The following CCDC159 variants were observed in gnomAD, a reference collection of about 807,000 sequenced individuals.
The protein encoded by CCDC159 is coiled-coil domain-containing protein 159.
Under a neutral mutation model 50.9 loss-of-function variants are expected in CCDC159, and 40 were observed. That is an observed-to-expected ratio of 0.79 (90% CI 0.61 to 1.02). CCDC159 has a LOEUF of 1.02. Ranked by LOEUF, CCDC159 falls within the 50% of genes least tolerant of loss-of-function variation. The probability of loss-of-function intolerance (pLI) is 0.00; values close to 1 mark genes in which losing one functional copy is unlikely to be tolerated. For synonymous variants in CCDC159, 146 were observed against 138.9 expected (o/e 1.05, Z -0.36); for missense variants, 356 against 371.5 (o/e 0.96, Z 0.34).
At chr19:11,348,772 CCCCGGGA>C (rs1398675910) in intron 1 of CCDC159, 1 of 521,844 alleles carries the variant, frequency 1.9e-6, no homozygotes, top group Admixed American at 2.0e-5. Flanking sequence ...GGCCGGCCTA[CCCCGGGA>C]CCCTGACTAC....
In CCDC159 at chr19:11,353,810, G is replaced by T; in HGVS notation, c.708G>T (p.Leu236=). 1 of 1,598,456 alleles carries T rather than the reference G, an allele frequency of 6.3e-7. No individual in the cohort carries two copies. Among genetic ancestry groups the T allele is most frequent in the Non-Finnish European group, 8.5e-7 (1 of 1,172,604 alleles). The change falls in exon 9 of 11, where the codon CTG becomes CTT. Residue 236 remains leucine, a synonymous_variant. Coordinates refer to ENST00000458408, the MANE Select transcript of CCDC159 (RefSeq NM_001080503.3). ...LSDIWSAVHV[L]QNSIDSLTLC... is the part of the protein sequence containing the mutation. ...CTTGCAGGTCTGCTGTGCACGTGCT[G>T]CAGAACTCCATAGACAGCCTCACTT...
At chr19:11,349,416 C>T (rs1030926187) in intron 1 of CCDC159, 7 of 581,098 alleles carry the variant, frequency 1.2e-5, no homozygotes, top group South Asian at 5.9e-5. Context: ...GGTTGTGTGT[C>T]TTCCATGGGG....
At chr19:11,351,458 A>G (rs1485331228) in intron 5 of CCDC159, 1 of 178,222 alleles carries the variant, frequency 5.6e-6, no homozygotes, top group African/African-American at 2.4e-5. Flanking sequence ...GTCTAAAAAA[A>G]AAAAAATGAG....
intron 7 of CCDC159, chr19:11,352,587 CAA>C (rs1445551085): frequency 6.6e-6 from 1 of 151,488 alleles, no homozygotes; most frequent in African/African-American, 2.5e-5. Flanking sequence ...CCCTGGGCGA[CAA>C]GAGCAAAACT....
chr19:11,346,794 A>G (rs1211107171), intron 1 of CCDC159, among the ~76,000 whole-genome samples, 167 bp downstream of exon 1: 2 of 152,112 alleles, frequency 1.3e-5, no homozygotes, highest in African/African-American at 2.4e-5. Context: ...TGGGGACCTA[A>G]GCTGGTTCTC....
At chr19:11,351,844 A>T in intron 5 of CCDC159, 62 bp from the exon 6 acceptor site, 1 of 1,457,168 alleles carries the variant, frequency 6.9e-7, no homozygotes, top group Non-Finnish European at 9.4e-7. Context: ...AGGCACAGAT[A>T]GGGGCATGGG....
chr19:11,354,631 A>C lies in CCDC159; in HGVS notation c.824A>C (p.Asp275Ala), dbSNP rs778943587. Residue 275 changes from aspartate (D) to alanine (A), a missense_variant, in exon 10 of 11, where the codon GAC (aspartate) becomes GCC (alanine). Coordinates refer to ENST00000458408, the MANE Select transcript of CCDC159 (RefSeq NM_001080503.3). ...LSPPLPSWDSDSDCDQDLSQP... is the reference protein window; with the variant it reads ...LSPPLPSWDSASDCDQDLSQP... The stretch of plus-strand genomic sequence containing the variant: ...CCTCCACTCCCCTCCTGGGACTCTG[A>C]CTCCGACTGTGACCAGGACCTCTCC... The C allele has an allele frequency of 6.2e-7, 1 of 1,604,406 alleles. No homozygotes were observed. The highest frequency in any genetic ancestry group is 1.1e-5 in the South Asian group (1 of 89,492).
At chr19:11,348,090 TAC>T in intron 1 of CCDC159, 1 of 454,628 alleles carries the variant, frequency 2.2e-6, no homozygotes, top group Non-Finnish European at 4.4e-6. Context: ...ATCATGAATT[TAC>T]CAGCATAGAG....
chr19:11,350,772 G>C (rs1568312443), intron 4 of CCDC159, 36 bp from the exon 5 acceptor site: 1 of 1,514,648 alleles, frequency 6.6e-7, no homozygotes, highest in East Asian at 2.5e-5. Context: ...TTCAGGGTGG[G>C]ATCAGGGCTC....
rs763482505 is a variant in CCDC159 at position 11,350,259 on chromosome 19, A to T, written c.226+60A>T. 12 of 1,461,944 alleles carry T rather than the reference A, an allele frequency of 8.2e-6. No individual in the cohort carries two copies. In the African/African-American group the frequency reaches 1.3e-4, roughly 16 times the overall value. 90.6% of individuals were successfully genotyped at this position (1,461,944 alleles called of 1,614,324 possible). Reference sequence around the variant, plus strand: ...CCAGGCGTGGTGGCTCACGCCTGTAATCCCAGCATTTGGGGAGGCCAAAGA... The same window carrying T: ...CCAGGCGTGGTGGCTCACGCCTGTATTCCCAGCATTTGGGGAGGCCAAAGA... On this transcript the variant is annotated intron_variant, in intron 4 of 10. Transcript: ENST00000458408.
chr19:11,352,662 G>A (rs1416080962), intron 7 of CCDC159, among the ~76,000 whole-genome samples: 3 of 151,898 alleles, frequency 2.0e-5, no homozygotes, highest in Admixed American at 6.6e-5. Context: ...GTTGGGTGCT[G>A]TGGCATGCCT....
In CCDC159 at chr19:11,349,836, C is replaced by G. The variant is rs1599381845; in HGVS notation, c.56-102C>G. On this transcript the variant is annotated intron_variant, in intron 2 of 10. Coordinates refer to ENST00000458408, the MANE Select transcript of CCDC159 (RefSeq NM_001080503.3). ...GTGGGCCCCTGTTCTATATCTTATC[C>G]CCTGTCCCTACTGCTACTCTGAGCC... is the stretch of plus-strand genomic sequence containing the variant. 20 of 1,253,408 alleles carry G rather than the reference C, an allele frequency of 1.6e-5. 1 individual carries two copies. In the South Asian group the frequency reaches 2.1e-4, roughly 13 times the overall value. 77.6% of individuals were successfully genotyped at this position (1,253,408 alleles called of 1,614,324 possible). A position where few individuals can be genotyped will look rare whatever the true frequency, so the allele number is the denominator to read the frequency against.
At chr19:11,348,798 C>T (rs1380625134) in intron 1 of CCDC159, 1 of 534,024 alleles carries the variant, frequency 1.9e-6, no homozygotes, top group Non-Finnish European at 3.7e-6. Context: ...ACTCTGTGTC[C>T]TGCCTCTACT....
intron 2 of CCDC159, 39 bp from the exon 3 acceptor site, chr19:11,349,899 C>A: frequency 1.3e-6 from 2 of 1,594,568 alleles, no homozygotes; most frequent in East Asian, 2.2e-5. Context: ...CCAGACCCCA[C>A]CCCTTACAGC....
At position 11,354,931 on chromosome 19, in the gene CCDC159, C is replaced by G; in HGVS notation, c.*54C>G. ...CCTCCAGAGAGAAAATAAACTAGCC[C>G]AGACCCTCCTCTAGCCCCGACTGTT... On this transcript the variant is annotated 3_prime_UTR_variant, in exon 11 of 11. Transcript: ENST00000458408. 2.5e-6 allele frequency: 4 copies of G among 1,584,930 alleles called. No homozygotes were observed. Among genetic ancestry groups the G allele is most frequent in the Non-Finnish European group, 2.6e-6 (3 of 1,153,658 alleles).
At chr19:11,351,517 A>G (rs1599385586) in intron 5 of CCDC159, 3 of 184,742 alleles carry the variant, frequency 1.6e-5, no homozygotes, top group Admixed American at 1.2e-4. Context: ...GGGGCGGGGG[A>G]GTGGGAAACT....
At chr19:11,354,775 A>G (rs1197006944) in intron 10 of CCDC159, 79 bp downstream of exon 10, 23 of 1,610,454 alleles carry the variant, frequency 1.4e-5, no homozygotes, top group Non-Finnish European at 1.9e-5. Flanking sequence ...AGACCCTCAG[A>G]ACAGGCCCAG....
chr19:11,352,201 C>A, intron 7 of CCDC159, 68 bp downstream of exon 7: 1 of 1,495,826 alleles, frequency 6.7e-7, no homozygotes, highest in South Asian at 1.1e-5. Context: ...TGGCCAGCCT[C>A]CACCATGAGA....
At chr19:11,346,834 C>T (rs958352628) in intron 1 of CCDC159, among the ~76,000 whole-genome samples, 2 of 152,300 alleles carry the variant, frequency 1.3e-5, no homozygotes, top group South Asian at 4.1e-4. Context: ...CTCCAAGCCT[C>T]CCAGGCTTCC....
Sources: allele counts gnomAD v4.1 joint callset (sites outside exome capture counted in the v4.1 genomes callset), GRCh38; gene constraint gnomAD v4.1.1; transcripts MANE v1.5; gene names NCBI Gene and HGNC (gene_info 2026-07-23, HGNC 2026-07-21).